Variants in PPIP5K2 observed in about 807,000 individuals in gnomAD.
PPIP5K2 encodes inositol hexakisphosphate and diphosphoinositol-pentakisphosphate kinase 2.
PPIP5K2 carries 105 observed loss-of-function variants against 154.6 expected under a neutral mutation model. That is an observed-to-expected ratio of 0.68 (90% confidence interval 0.58 to 0.80). PPIP5K2 has a LOEUF of 0.80. PPIP5K2 is among the 30% of genes least tolerant of loss of function. The pLI, the probability that PPIP5K2 is intolerant of heterozygous loss-of-function variation, is 0.00. For missense variants in PPIP5K2, 992 were observed against 1,504.6 expected (o/e 0.66, Z 5.64); for synonymous variants, 480 against 490.3 (o/e 0.98, Z 0.28).
At chr5:103,182,685 G>A (rs1008304804) in intron 24 of PPIP5K2, among the ~76,000 whole-genome samples, 2 of 152,104 alleles carry the variant, frequency 1.3e-5, no homozygotes, top group African/African-American at 2.4e-5. Flanking sequence ...ATAAACAGGT[G>A]CAATTTGAGT....
At chr5:103,177,359 A>T (rs1345771437) in intron 21 of PPIP5K2, among the ~76,000 whole-genome samples, 2 of 151,974 alleles carry the variant, frequency 1.3e-5, no homozygotes, top group Non-Finnish European at 1.5e-5. Flanking sequence ...AAATTCTCCA[A>T]TGAGTATTTC....
rs1796471264 is a variant in PPIP5K2 at position 103,162,577 on chromosome 5, A to G, written c.1920+3249A>G. On this transcript the variant is annotated intron_variant, in intron 17 of 30. Coordinates refer to ENST00000358359, the MANE Select transcript of PPIP5K2 (RefSeq NM_001276277.3). ...TGGGTCTCACTGTGTTGCCCAGGCT[A>G]GTCTCGAACTCTTGGCCTCAAGTGA... is the stretch of plus-strand genomic sequence containing the variant. Among the ~76,000 whole-genome samples the G allele has an allele frequency of 2.6e-5, 4 of 151,878 alleles. No individual in the cohort carries two copies. The South Asian group carries it at 8.3e-4, about 32-fold the overall frequency.
Position 103,167,179 on chromosome 5 carries a change from C to T in PPIP5K2, c.1921C>T (p.Leu641Phe). ...RDFTAEDYEK[L>F]TPSGSISLIK... The stretch of plus-strand genomic sequence containing the variant: ...AAATATATACTTTACTCATTTGTAG[C>T]TTACTCCATCTGGAAGCATTTCTCT... Residue 641 changes from leucine (L) to phenylalanine (F), a missense_variant and splice_region_variant, in exon 18 of 31, where the codon CTT becomes TTT. Physicochemically the swap from Leu to Phe is conservative, Grantham distance 22 (BLOSUM62 0). Around this residue, in one of 9 missense-constraint regions of PPIP5K2, gnomAD observed 82 missense variants for 91.8 expected, o/e 0.89. Transcript: ENST00000358359. 1.3e-6 allele frequency: 2 copies of T among 1,551,484 alleles called. No homozygotes were observed. Among genetic ancestry groups the T allele is most frequent in the Non-Finnish European group, 1.7e-6 (2 of 1,146,898 alleles).
At chr5:103,176,802 G>A in intron 21 of PPIP5K2, 1 of 943,868 alleles carries the variant, frequency 1.1e-6, no homozygotes, top group Non-Finnish European at 1.5e-6. Flanking sequence ...TACTTTGAAT[G>A]CTTGTAGTAC....
chr5:103,181,258 T>C (rs560323752), intron 24 of PPIP5K2, among the ~76,000 whole-genome samples: 14 of 152,204 alleles, frequency 9.2e-5, no homozygotes, highest in South Asian at 4.1e-4. Flanking sequence ...GTTTTCTAAA[T>C]GCTCTAGTAA....
In PPIP5K2 at chr5:103,203,245, C is replaced by T. The variant is rs1803266134; in HGVS notation, c.*1611C>T. ...TGGTAAATTTTTAAAATTTTCTTAT[C>T]TCTTACTTTTTAGTTTTCAAAGTAG... On this transcript the variant is annotated 3_prime_UTR_variant, in exon 31 of 31. Coordinates refer to ENST00000358359, the MANE Select transcript of PPIP5K2 (RefSeq NM_001276277.3). 3 of 152,246 alleles carry T rather than the reference C, an allele frequency of 2.0e-5. No individual in the cohort carries two copies. Among genetic ancestry groups the T allele is most frequent in the Admixed American group, 1.3e-4 (2 of 15,220 alleles). The allele number at this position is 152,246 out of a possible 1,614,324, so 9.4% of individuals were successfully genotyped here. A position where few individuals can be genotyped will look rare whatever the true frequency, so the allele number is the denominator to read the frequency against.
chr5:103,176,757 C>A, intron 21 of PPIP5K2: 3 of 573,826 alleles, frequency 5.2e-6, no homozygotes, highest in Middle Eastern at 3.9e-4. Context: ...ATAGACTTTA[C>A]TTTGAGTAGT....
chr5:103,166,407 T>C (rs1046109188), intron 17 of PPIP5K2, among the ~76,000 whole-genome samples: 15 of 152,078 alleles, frequency 9.9e-5, no homozygotes, highest in African/African-American at 3.6e-4. Flanking sequence ...TACCTTGTCG[T>C]CCTGATGTGG....
rs782392996 is a variant in PPIP5K2, at chr5:103,207,363, C to A, written c.*5729C>A. ...GGGAAGAATTGACCCTAGTTAAGAA[C>A]CACTGCCCTAAAGCACATGATTCTG... On this transcript the variant is annotated 3_prime_UTR_variant, in exon 31 of 31. Coordinates refer to ENST00000358359, the MANE Select transcript of PPIP5K2 (RefSeq NM_001276277.3). 6.6e-6 allele frequency: 1 copy of A among 152,094 alleles called. No individual in the cohort carries two copies. Among genetic ancestry groups the A allele is most frequent in the Non-Finnish European group, 1.5e-5 (1 of 68,024 alleles). The allele number at this position is 152,094 out of a possible 1,614,324, so 9.4% of individuals were successfully genotyped here.
rs1803044457 is a variant in PPIP5K2 at position 103,201,668 on chromosome 5, T to C, written c.*34T>C. On this transcript the variant is annotated 3_prime_UTR_variant, in exon 31 of 31. Transcript: ENST00000358359. ...CAGAAGCTGGAACTTTTTATACTTA[T>C]AAAAATAGTATGTTCTTATGTTTCT... 2 of 1,390,500 alleles carry C rather than the reference T, an allele frequency of 1.4e-6. No homozygotes were observed. Among genetic ancestry groups the C allele is most frequent in the East Asian group, 2.3e-5 (1 of 42,894 alleles). 86.1% of individuals were successfully genotyped at this position (1,390,500 alleles called of 1,614,324 possible). A position where few individuals can be genotyped will look rare whatever the true frequency, so the allele number is the denominator to read the frequency against.
At chr5:103,191,369 TCTC>T (rs1437694060) in intron 29 of PPIP5K2, among the ~76,000 whole-genome samples, 2 of 152,040 alleles carry the variant, frequency 1.3e-5, no homozygotes, top group Admixed American at 6.6e-5. Flanking sequence ...TACACACTCA[TCTC>T]CTGACTACCT....
intron 28 of PPIP5K2, chr5:103,189,079 A>C: frequency 1.0e-6 from 1 of 953,986 alleles, no homozygotes; most frequent in Non-Finnish European, 1.6e-6. Flanking sequence ...TCATGGACTT[A>C]CCCCTCCCTT....
chr5:103,186,226 T>C (rs967674233), intron 26 of PPIP5K2, 94 bp from the exon 27 acceptor site: 16 of 1,520,898 alleles, frequency 1.1e-5, no homozygotes, highest in Middle Eastern at 1.7e-4. Flanking sequence ...TTGCCTTATA[T>C]GTGGTAAGAG....
chr5:103,155,115 G>A (rs1156556734), intron 13 of PPIP5K2, among the ~76,000 whole-genome samples, 172 bp downstream of exon 13: 2 of 152,114 alleles, frequency 1.3e-5, no homozygotes, highest in South Asian at 2.1e-4. Context: ...TGTATTGAAG[G>A]TTTTAGCTTT....
At chr5:103,194,472 C>G (rs2149818049) in intron 29 of PPIP5K2, among the ~76,000 whole-genome samples, 1 of 152,236 alleles carries the variant, frequency 6.6e-6, no homozygotes, top group Middle Eastern at 3.4e-3. Flanking sequence ...TGAAATTTAT[C>G]CTCCTAGTCC....
intron 1 of PPIP5K2, chr5:103,120,878 T>C (rs1788559498): frequency 5.8e-6 from 1 of 172,146 alleles, no homozygotes; most frequent in Non-Finnish European, 1.3e-5. Context: ...TCTGCCTTAG[T>C]CTTTATCCCT....
At chr5:103,139,955 G>T (rs1252830859) in intron 5 of PPIP5K2, among the ~76,000 whole-genome samples, 1 of 152,096 alleles carries the variant, frequency 6.6e-6, no homozygotes, top group African/African-American at 2.4e-5. Flanking sequence ...TTGAAAACTG[G>T]CTATGTGAAA....
intron 7 of PPIP5K2, 33 bp from the exon 8 acceptor site, chr5:103,149,119 T>C (rs1554210361): frequency 6.6e-7 from 1 of 1,516,500 alleles, no homozygotes; most frequent in Non-Finnish European, 9.0e-7. Context: ...CATACATATA[T>C]ATATTTATAC....
At chr5:103,145,322 A>G (rs921094361) in intron 5 of PPIP5K2, among the ~76,000 whole-genome samples, 1 of 152,094 alleles carries the variant, frequency 6.6e-6, no homozygotes, top group Non-Finnish European at 1.5e-5. Context: ...TAAAGCCACT[A>G]TTGAGAACAA....
Sources: allele counts gnomAD v4.1 joint callset (sites outside exome capture counted in the v4.1 genomes callset), GRCh38; gene constraint gnomAD v4.1.1; regional missense constraint gnomAD v4.1.1; transcripts MANE v1.5; gene names NCBI Gene and HGNC (gene_info 2026-07-23, HGNC 2026-07-21).